TMEM132C: variants seen among roughly 807,000 people sequenced by gnomAD.
The protein encoded by TMEM132C is transmembrane protein 132C, also known as protein phosphatase 1, regulatory subunit 152.
TMEM132C carries 29 observed loss-of-function variants against 61.4 expected under a neutral mutation model. The observed-to-expected ratio is 0.47, with a 90% CI of 0.35 to 0.64. The LOEUF (loss-of-function observed/expected upper bound fraction) is 0.64. Among genes scored for constraint, TMEM132C ranks in the 30% least tolerant of loss-of-function variants. TMEM132C has a pLI of 0.00. For missense variants in TMEM132C, 1,408 were observed against 1,476.9 expected (o/e 0.95, Z 0.76); for synonymous variants, 656 against 633.1 (o/e 1.04, Z -0.54).
At chr12:128,512,476 G>T (rs1312399274) in intron 2 of TMEM132C, among the ~76,000 whole-genome samples, 6 of 151,976 alleles carry the variant, frequency 3.9e-5, no homozygotes, top group Non-Finnish European at 2.9e-5. Flanking sequence ...GTATTCCACC[G>T]AGTAGAGCTT....
At chr12:128,374,846 G>C (rs1385682760) in intron 1 of TMEM132C, among the ~76,000 whole-genome samples, 2 of 150,568 alleles carry the variant, frequency 1.3e-5, no homozygotes, top group Non-Finnish European at 2.9e-5. Flanking sequence ...GTTTGAACCT[G>C]GAGGGTGGAG....
chr12:128,544,148 G>T (rs1873863426), intron 3 of TMEM132C, 45 bp downstream of exon 3: 3 of 1,459,912 alleles, frequency 2.1e-6, no homozygotes, highest in Non-Finnish European at 2.7e-6. Flanking sequence ...CCTGGTCCCG[G>T]GCCCAGGCCG....
intron 2 of TMEM132C, among the ~76,000 whole-genome samples, chr12:128,490,742 C>G (rs1398909323): frequency 1.3e-5 from 2 of 152,154 alleles, no homozygotes; most frequent in East Asian, 3.9e-4. Flanking sequence ...AGAACTAGCT[C>G]TGGCTCTGTA....
At position 128,534,948 on chromosome 12, in the gene TMEM132C, G is replaced by A. The variant is rs183558159; in HGVS notation, c.975-9009G>A. Reference sequence around the variant, plus strand: ...TAGCTTCAGTGAAATCTGAAATATTGAGAAAAATCCAAATGCAGAAAAAGC... The same window carrying A: ...TAGCTTCAGTGAAATCTGAAATATTAAGAAAAATCCAAATGCAGAAAAAGC... On this transcript the variant is annotated intron_variant, in intron 2 of 8. Coordinates refer to ENST00000435159, the MANE Select transcript of TMEM132C (RefSeq NM_001136103.3). Among the ~76,000 whole-genome samples, 1,259 of 152,294 alleles carry A rather than the reference G, an allele frequency of 8.3e-3. 6 individuals are homozygous for A. Among genetic ancestry groups the A allele is most frequent in the Non-Finnish European group, 0.012 (798 of 68,034 alleles).
At chr12:128,369,992 G>T (rs993711683) in intron 1 of TMEM132C, among the ~76,000 whole-genome samples, 1 of 152,242 alleles carries the variant, frequency 6.6e-6, no homozygotes, top group Non-Finnish European at 1.5e-5. Context: ...CTAGGCCCTT[G>T]TTTATTGCTG....
At chr12:128,610,183 A>G (rs1876583700) in intron 3 of TMEM132C, among the ~76,000 whole-genome samples, 1 of 152,250 alleles carries the variant, frequency 6.6e-6, no homozygotes, top group Non-Finnish European at 1.5e-5. Context: ...GTAGAATGAA[A>G]TAAAGCCAAG....
At position 128,493,031 on chromosome 12, in the gene TMEM132C, G is replaced by T. The variant is rs561486557; in HGVS notation, c.975-50926G>T. 5.7e-3 allele frequency among the ~76,000 whole-genome samples: 875 copies of T among 152,230 alleles called. 9 individuals carry two copies. Among genetic ancestry groups the T allele is most frequent in the African/African-American group, 0.019 (809 of 41,522 alleles). ...CATCTTGAATTAATTTTTGTATAAG[G>T]TGTAAGGAAGGGATCCAGTTTCAGC... On this transcript the variant is annotated intron_variant, in intron 2 of 8. Transcript: ENST00000435159.
chr12:128,637,977 A>C (rs1954116219), intron 4 of TMEM132C, among the ~76,000 whole-genome samples: 1 of 152,244 alleles, frequency 6.6e-6, no homozygotes, highest in South Asian at 2.1e-4. Flanking sequence ...GAGATTATTT[A>C]TGCATAGAGA....
Position 128,550,617 on chromosome 12 carries a change from C to T in TMEM132C, c.1121+6514C>T, listed in dbSNP as rs904342923. 3.3e-5 allele frequency among the ~76,000 whole-genome samples: 5 copies of T among 152,172 alleles called. No homozygotes were observed. The South Asian group carries it at 8.3e-4, about 25-fold the overall frequency. ...ACTGAACTTGGCTTCTTCATCTTCCCGTAAGGACACCAGTCCTGTGGGATT... is the reference window on the plus strand; with the variant it reads ...ACTGAACTTGGCTTCTTCATCTTCCTGTAAGGACACCAGTCCTGTGGGATT... On this transcript the variant is annotated intron_variant, in intron 3 of 8. Coordinates refer to ENST00000435159, the MANE Select transcript of TMEM132C (RefSeq NM_001136103.3).
At chr12:128,491,650 A>G (rs534563975) in intron 2 of TMEM132C, among the ~76,000 whole-genome samples, 54 of 152,208 alleles carry the variant, frequency 3.5e-4, no homozygotes, top group Non-Finnish European at 6.3e-4. Context: ...ACTGACCTCC[A>G]TGCCTCTGCC....
chr12:128,392,064 T>TTCTCTCTCTCTCTC (rs34334973), intron 1 of TMEM132C, among the ~76,000 whole-genome samples: 18 of 130,534 alleles, frequency 1.4e-4, no homozygotes, highest in Admixed American at 1.1e-3. Context: ...CTCTCTCTCT[T>TTCTCTCTCTCTCTC]TCTCTCTCTC....
chr12:128,641,031 G>A (rs1954154029), intron 4 of TMEM132C, among the ~76,000 whole-genome samples: 1 of 152,198 alleles, frequency 6.6e-6, no homozygotes, highest in Non-Finnish European at 1.5e-5. Context: ...GGGCTGAAGA[G>A]ATGAAGAGAA....
intron 2 of TMEM132C, among the ~76,000 whole-genome samples, chr12:128,470,727 C>T (rs944193692): frequency 2.0e-5 from 3 of 152,180 alleles, no homozygotes; most frequent in African/African-American, 7.2e-5. Context: ...GCTGTTACAT[C>T]AGGTATCTGT....
chr12:128,646,156 T>TG (rs1470056888), intron 4 of TMEM132C, among the ~76,000 whole-genome samples: 1 of 152,132 alleles, frequency 6.6e-6, no homozygotes, highest in Non-Finnish European at 1.5e-5. Context: ...GTGTGTTTAC[T>TG]GGAGTCCATC....
At chr12:128,685,602 C>CT (rs60434447) in intron 5 of TMEM132C, among the ~76,000 whole-genome samples, 45,358 of 152,080 alleles carry the variant, frequency 0.3, 6,786 homozygotes, top group South Asian at 0.36. Context: ...CCAAGCATGG[C>CT]TGTCACTTCT....
At chr12:128,584,646 G>C (rs76257464) in intron 3 of TMEM132C, among the ~76,000 whole-genome samples, 1,829 of 152,342 alleles carry the variant, frequency 0.012, 27 homozygotes, top group African/African-American at 0.036. Context: ...ACATGTGCAT[G>C]ATTTTGGTGA....
chr12:128,574,359 C>A (rs1314412206), intron 3 of TMEM132C, among the ~76,000 whole-genome samples: 1 of 152,246 alleles, frequency 6.6e-6, no homozygotes, highest in Non-Finnish European at 1.5e-5. Context: ...CGGGTACTGG[C>A]TGAAGCGCTT....
At chr12:128,691,069 A>G (rs1214655338) in intron 5 of TMEM132C, among the ~76,000 whole-genome samples, 1 of 152,248 alleles carries the variant, frequency 6.6e-6, no homozygotes, top group Non-Finnish European at 1.5e-5. Flanking sequence ...TGATCTAGAC[A>G]GAAGACAGAT....
intron 5 of TMEM132C, 118 bp from the exon 6 acceptor site, chr12:128,693,711 T>C (rs987107981): frequency 1.7e-6 from 2 of 1,209,014 alleles, no homozygotes; most frequent in Non-Finnish European, 2.3e-6. Context: ...AGGCTCTGCT[T>C]TAGGAGAAAC....
Sources: gnomAD v4.1 joint callset for allele counts (sites outside exome capture counted in the v4.1 genomes callset) on GRCh38, gnomAD v4.1.1 for gene constraint, MANE v1.5 for transcripts, NCBI Gene and HGNC (gene_info 2026-07-23, HGNC 2026-07-21) for gene names.